The following CADM2 variants were observed in gnomAD, a reference collection of about 807,000 sequenced individuals.
CADM2 encodes the protein cell adhesion molecule 2.
CADM2 carries 12 observed loss-of-function variants against 49.8 expected under a neutral mutation model. The observed-to-expected ratio is 0.24, with a 90% CI of 0.15 to 0.39. The LOEUF is 0.39. Ranked by LOEUF, CADM2 falls within the 10% of genes least tolerant of loss-of-function variation. The pLI is 1.00. For synonymous variants in CADM2, 214 were observed against 175.4 expected (o/e 1.22, Z -1.74); for missense variants, 378 against 492.3 (o/e 0.77, Z 2.20).
intron 1 of CADM2, among the ~76,000 whole-genome samples, chr3:85,397,646 T>TC (rs1296174838): frequency 1.1e-4 from 16 of 152,282 alleles, no homozygotes; most frequent in African/African-American, 3.8e-4. Flanking sequence ...ACAAATATTG[T>TC]ATGAATCACT....
At chr3:85,434,384 A>C (rs2036830072) in intron 1 of CADM2, among the ~76,000 whole-genome samples, 1 of 151,888 alleles carries the variant, frequency 6.6e-6, no homozygotes, top group Non-Finnish European at 1.5e-5. Flanking sequence ...ATTAACTTTT[A>C]TTAGTTATGA....
intron 1 of CADM2, among the ~76,000 whole-genome samples, chr3:85,318,172 A>G (rs937827694): frequency 2.2e-4 from 20 of 92,958 alleles, no homozygotes; most frequent in African/African-American, 1.5e-3. Flanking sequence ...CCTGTCTCAG[A>G]AAAAAAAAAA....
intron 1 of CADM2, among the ~76,000 whole-genome samples, chr3:85,520,719 T>G (rs2106895098): frequency 6.6e-6 from 1 of 152,138 alleles, no homozygotes; most frequent in South Asian, 2.1e-4. Context: ...TCTTAAGAAA[T>G]TTATTTAAAG....
chr3:85,428,426 TTATATA>T (rs905177036), intron 1 of CADM2, among the ~76,000 whole-genome samples: 1 of 144,484 alleles, frequency 6.9e-6, no homozygotes, highest in African/African-American at 2.5e-5. Context: ...TAAGTAAGGC[TTATATA>T]TATATATAGA....
intron 1 of CADM2, among the ~76,000 whole-genome samples, chr3:85,006,696 T>G (rs551920058): frequency 6.6e-6 from 1 of 152,268 alleles, no homozygotes; most frequent in East Asian, 1.9e-4. Context: ...TATGTACACT[T>G]TGAAATATAT....
At chr3:86,016,448 A>G (rs9829960) in intron 8 of CADM2, among the ~76,000 whole-genome samples, 33,854 of 152,078 alleles carry the variant, frequency 0.22, 4,151 homozygotes, top group East Asian at 0.33. Flanking sequence ...TTTTGAGTTA[A>G]AGGTTAATGA....
intron 1 of CADM2, among the ~76,000 whole-genome samples, chr3:85,194,319 T>C (rs2041285459): frequency 6.6e-6 from 1 of 152,070 alleles, no homozygotes; most frequent in African/African-American, 2.4e-5. Flanking sequence ...CAGCGTAGAC[T>C]ACTGAGTATG....
intron 1 of CADM2, among the ~76,000 whole-genome samples, chr3:85,310,069 T>C (rs913368745): frequency 6.6e-6 from 1 of 152,218 alleles, no homozygotes; most frequent in African/African-American, 2.4e-5. Flanking sequence ...TACTTTGTCC[T>C]TTTGGGAAAC....
intron 2 of CADM2, among the ~76,000 whole-genome samples, chr3:85,750,721 G>A (rs2068825486): frequency 1.3e-5 from 2 of 151,972 alleles, no homozygotes; most frequent in Admixed American, 6.6e-5. Flanking sequence ...TTGGATGTCT[G>A]ATGTTGCTCT....
At chr3:85,572,079 A>C (rs758712582) in intron 1 of CADM2, among the ~76,000 whole-genome samples, 18 of 152,082 alleles carry the variant, frequency 1.2e-4, no homozygotes, top group Non-Finnish European at 1.8e-4. Flanking sequence ...GGTGGATCAC[A>C]TGAGGTCAGG....
chr3:85,931,889 T>A (rs1299304090), intron 6 of CADM2, among the ~76,000 whole-genome samples: 5 of 151,362 alleles, frequency 3.3e-5, no homozygotes, highest in Admixed American at 2.0e-4. Flanking sequence ...AAAATTATTT[T>A]AAATTTTTAT....
intron 1 of CADM2, among the ~76,000 whole-genome samples, chr3:85,298,094 T>C (rs1261433627): frequency 6.6e-6 from 1 of 152,066 alleles, no homozygotes; most frequent in Non-Finnish European, 1.5e-5. Flanking sequence ...CCTACATCCG[T>C]GTTTGCTGTG....
chr3:85,886,538 G>A (rs761328008), intron 5 of CADM2, among the ~76,000 whole-genome samples: 85 of 151,844 alleles, frequency 5.6e-4, no homozygotes, highest in Non-Finnish European at 9.7e-4. Flanking sequence ...TTCTTCTTCC[G>A]TAAAATAGGT....
chr3:85,089,912 A>G (rs2037530957), intron 1 of CADM2, among the ~76,000 whole-genome samples: 2 of 152,220 alleles, frequency 1.3e-5, no homozygotes, highest in South Asian at 4.1e-4. Context: ...TTTTCCTACC[A>G]CATTTCTATT....
chr3:85,126,485 C>T (rs1477205167), intron 1 of CADM2, among the ~76,000 whole-genome samples: 2 of 151,992 alleles, frequency 1.3e-5, no homozygotes, highest in Admixed American at 1.3e-4. Flanking sequence ...ATATAAGAAA[C>T]ATTTTCTTTT....
chr3:86,056,602 G>A (rs1284053113), intron 8 of CADM2, among the ~76,000 whole-genome samples: 3 of 152,170 alleles, frequency 2.0e-5, no homozygotes, highest in Non-Finnish European at 2.9e-5. Flanking sequence ...TTCCCAGGAG[G>A]GAAGCTGCAG....
chr3:85,291,404 C>A (rs2043792448), intron 1 of CADM2, among the ~76,000 whole-genome samples: 1 of 150,378 alleles, frequency 6.6e-6, no homozygotes, highest in Non-Finnish European at 1.5e-5. Context: ...TCTAGAAAGG[C>A]AGGCCAACGT....
chr3:85,762,223 G>T (rs2069425265), intron 2 of CADM2, among the ~76,000 whole-genome samples: 1 of 152,102 alleles, frequency 6.6e-6, no homozygotes, highest in South Asian at 2.1e-4. Context: ...AGCATTTATA[G>T]AAAATCTGTT....
At chr3:85,631,760 G>A (rs1327899027) in intron 1 of CADM2, among the ~76,000 whole-genome samples, 1 of 151,860 alleles carries the variant, frequency 6.6e-6, no homozygotes, top group African/African-American at 2.4e-5. Context: ...TACCAATATT[G>A]TTTTTTAAAA....
Sources: allele counts gnomAD v4.1 joint callset (sites outside exome capture counted in the v4.1 genomes callset), GRCh38; gene constraint gnomAD v4.1.1; transcripts MANE v1.5; gene names NCBI Gene and HGNC (gene_info 2026-07-23, HGNC 2026-07-21).